The following PSG3 variants were observed in gnomAD, a reference collection of about 807,000 sequenced individuals.
The protein encoded by PSG3 is pregnancy specific beta-1-glycoprotein 3, also known as pregnancy-specific beta-1-glycoprotein 3.
Under a neutral mutation model 47.5 loss-of-function variants are expected in PSG3, and 61 were observed. The ratio of observed to expected loss-of-function variants is 1.28; its 90% CI spans 1.05 to 1.59. The LOEUF (loss-of-function observed/expected upper bound fraction) is 1.59, where lower values mean the gene tolerates loss of function less well. Among genes scored for constraint, PSG3 ranks in the 40% most tolerant of loss-of-function variants. PSG3 has a pLI of 0.00. For missense variants in PSG3, 756 were observed against 524.0 expected (o/e 1.44, Z -4.32); for synonymous variants, 263 against 198.4 (o/e 1.33, Z -2.74).
rs1355484577 is a variant in PSG3, at chr19:42,729,916, G to A, written c.850C>T (p.Pro284Ser). Residue 284 changes from proline to serine, a missense_variant, in exon 4 of 7, where the codon CCC (proline) becomes TCC (serine). By Grantham distance (74) the Pro-to-Ser change is moderately conservative. Coordinates refer to ENST00000327495, the MANE Select transcript of PSG3 (RefSeq NM_021016.4). ...WLNGQSLPVS[P>S]RVKRPIENRI... ...TTTTCAATGGGTCGCTTTACCCTGG[G>A]ACTGACCGGGAGGCTCTGACCATTT... is the stretch of plus-strand genomic sequence containing the variant. 4.3e-6 allele frequency: 7 copies of A among 1,612,112 alleles called. No individual in the cohort carries two copies. The highest frequency in any genetic ancestry group is 5.9e-6 in the Non-Finnish European group (7 of 1,179,854).
At chr19:42,726,017 C>A (rs1969372902) in intron 5 of PSG3, among the ~76,000 whole-genome samples, 1 of 150,800 alleles carries the variant, frequency 6.6e-6, no homozygotes, top group Admixed American at 6.6e-5. Context: ...ATGAAGTAGA[C>A]AAACCCCTAG....
intron 5 of PSG3, among the ~76,000 whole-genome samples, chr19:42,727,176 G>C (rs943662393): frequency 1.3e-5 from 2 of 152,152 alleles, no homozygotes; most frequent in Non-Finnish European, 2.9e-5. Context: ...TCAACTCTTA[G>C]AAGAAAAGCT....
At chr19:42,734,758 T>A (rs1413705409) in intron 2 of PSG3, among the ~76,000 whole-genome samples, 2 of 152,176 alleles carry the variant, frequency 1.3e-5, no homozygotes, top group Admixed American at 6.6e-5. Context: ...GTGTGTCAAT[T>A]GCATAAAGGG....
At chr19:42,725,754 C>G (rs556971534) in intron 5 of PSG3, among the ~76,000 whole-genome samples, 1 of 151,978 alleles carries the variant, frequency 6.6e-6, no homozygotes, top group East Asian at 1.9e-4. Context: ...GTCCTAGCAT[C>G]TTGGGAGGCT....
intron 2 of PSG3, chr19:42,734,018 C>G (rs1969520292): frequency 6.6e-6 from 1 of 152,162 alleles, no homozygotes; most frequent in African/African-American, 2.4e-5. Flanking sequence ...ATTCTACTCT[C>G]TGATTCTGAA....
chr19:42,735,093 C>T (rs1360239521), intron 2 of PSG3, among the ~76,000 whole-genome samples: 4 of 152,202 alleles, frequency 2.6e-5, no homozygotes, highest in African/African-American at 7.2e-5. Flanking sequence ...ACCTGGCCAC[C>T]TCCACCTGGT....
chr19:42,733,433 T>G (rs1600386941), intron 2 of PSG3: 1 of 239,116 alleles, frequency 4.2e-6, no homozygotes, highest in South Asian at 9.5e-5. Flanking sequence ...CTTCTTAGTT[T>G]CAGTCTTACT....
chr19:42,734,524 G>C (rs181350411), intron 2 of PSG3, among the ~76,000 whole-genome samples: 1 of 152,240 alleles, frequency 6.6e-6, no homozygotes, highest in Admixed American at 6.5e-5. Context: ...CAAAAAATTT[G>C]GAGGAAACAT....
intron 2 of PSG3, among the ~76,000 whole-genome samples, chr19:42,735,491 C>T (rs1468482789): frequency 1.3e-5 from 2 of 152,138 alleles, no homozygotes; most frequent in Admixed American, 6.5e-5. Context: ...CTTGGCCTCC[C>T]AAATAGCTGG....
At chr19:42,724,520 C>T (rs1701842968) in intron 5 of PSG3, among the ~76,000 whole-genome samples, 1 of 152,194 alleles carries the variant, frequency 6.6e-6, no homozygotes, top group Non-Finnish European at 1.5e-5. Context: ...AAGTCTAGTT[C>T]TCTGAGGCTC....
At chr19:42,732,471 G>A in intron 3 of PSG3, 1 of 560,092 alleles carries the variant, frequency 1.8e-6, no homozygotes, top group Non-Finnish European at 3.1e-6. Flanking sequence ...GACCCTGTGA[G>A]CCAAGTTGCA....
At chr19:42,725,287 A>G (rs1224916405) in intron 5 of PSG3, among the ~76,000 whole-genome samples, 2 of 152,224 alleles carry the variant, frequency 1.3e-5, no homozygotes, top group Admixed American at 6.5e-5. Context: ...CAAGAAATTT[A>G]TAACTGTAAA....
intron 5 of PSG3, among the ~76,000 whole-genome samples, chr19:42,725,334 C>A (rs1849474570): frequency 6.6e-6 from 1 of 151,990 alleles, no homozygotes; most frequent in Non-Finnish European, 1.5e-5. Flanking sequence ...CTCAGGTCAA[C>A]AACCTACTTT....
chr19:42,734,935 T>G (rs1334850949), intron 2 of PSG3, among the ~76,000 whole-genome samples: 2 of 152,216 alleles, frequency 1.3e-5, no homozygotes, highest in Non-Finnish European at 2.9e-5. Context: ...CCACTAGTGT[T>G]TAAGTTTGTG....
chr19:42,729,093 C>G, intron 5 of PSG3, 30 bp downstream of exon 5: 3 of 1,613,840 alleles, frequency 1.9e-6, no homozygotes, highest in Non-Finnish European at 2.5e-6. Context: ...ACCTAAAACT[C>G]TATTGCCAAG....
chr19:42,728,676 T>A (rs1969414009), intron 5 of PSG3, among the ~76,000 whole-genome samples: 1 of 152,194 alleles, frequency 6.6e-6, no homozygotes. Context: ...TGCTCCTCCC[T>A]CACCCAAGGG....
intron 5 of PSG3, among the ~76,000 whole-genome samples, chr19:42,727,983 C>T (rs999953161): frequency 1.3e-5 from 2 of 152,050 alleles, no homozygotes; most frequent in Non-Finnish European, 2.9e-5. Flanking sequence ...GTGGATGAAC[C>T]TTGAAGATAT....
At chr19:42,729,031 G>T (rs1393926202) in intron 5 of PSG3, 92 bp downstream of exon 5, 4 of 1,604,926 alleles carry the variant, frequency 2.5e-6, no homozygotes, top group Non-Finnish European at 3.4e-6. Context: ...TGGGACACAG[G>T]CTGGGAATAA....
intron 3 of PSG3, among the ~76,000 whole-genome samples, chr19:42,730,660 A>G (rs1215673178): frequency 6.6e-6 from 1 of 152,170 alleles, no homozygotes; most frequent in Non-Finnish European, 1.5e-5. Flanking sequence ...AGTTTTTTGC[A>G]GGTGTTTCAT....
Sources: gnomAD v4.1 joint callset for allele counts (sites outside exome capture counted in the v4.1 genomes callset) on GRCh38, gnomAD v4.1.1 for gene constraint, MANE v1.5 for transcripts, NCBI Gene and HGNC (gene_info 2026-07-23, HGNC 2026-07-21) for gene names.